RBMS3: variants seen among roughly 807,000 people sequenced by gnomAD.
RBMS3 encodes the protein RNA binding motif single stranded interacting protein 3.
In RBMS3, 27 loss-of-function variants were observed where a neutral mutation model predicts 66.8. The ratio of observed to expected loss-of-function variants is 0.40; its 90% CI spans 0.30 to 0.56. RBMS3 has a LOEUF of 0.56. Ranked by LOEUF, RBMS3 falls within the 20% of genes least tolerant of loss-of-function variation. The pLI is 0.40. For synonymous variants in RBMS3, 188 were observed against 183.0 expected, an observed-to-expected ratio of 1.03 and a Z score of -0.22; for missense variants, 513 against 549.5, an observed-to-expected ratio of 0.93 and a Z score of 0.66.
At chr3:29,955,444 G>A (rs1695970908) in intron 12 of RBMS3, among the ~76,000 whole-genome samples, 2 of 152,106 alleles carry the variant, frequency 1.3e-5, no homozygotes, top group South Asian at 4.1e-4. Context: ...CCTTGACTAA[G>A]AGAAATGATA....
chr3:29,737,029 T>C (rs1411116132), intron 4 of RBMS3, among the ~76,000 whole-genome samples: 1 of 151,820 alleles, frequency 6.6e-6, no homozygotes, highest in African/African-American at 2.4e-5. Context: ...CAGGCTGGAG[T>C]GCAGTGGCAT....
chr3:29,962,727 G>T (rs1447371472), intron 12 of RBMS3, among the ~76,000 whole-genome samples: 1 of 151,886 alleles, frequency 6.6e-6, no homozygotes, highest in Non-Finnish European at 1.5e-5. Flanking sequence ...ATAACTGAAA[G>T]CATCTAATCC....
At chr3:29,359,605 A>G (rs2037438124) in intron 1 of RBMS3, among the ~76,000 whole-genome samples, 1 of 152,304 alleles carries the variant, frequency 6.6e-6, no homozygotes, top group Non-Finnish European at 1.5e-5. Context: ...TGATTGGAAT[A>G]GTTTCAGAAG....
intron 4 of RBMS3, among the ~76,000 whole-genome samples, chr3:29,662,850 T>G (rs1297179659): frequency 6.6e-6 from 1 of 152,188 alleles, no homozygotes; most frequent in Non-Finnish European, 1.5e-5. Context: ...AATATTTTAT[T>G]AATATGAAAA....
chr3:29,626,891 C>T (rs960318681), intron 4 of RBMS3, among the ~76,000 whole-genome samples: 3 of 151,964 alleles, frequency 2.0e-5, no homozygotes, highest in Admixed American at 1.3e-4. Context: ...CAAATGAGAA[C>T]AGTAATAAAA....
intron 1 of RBMS3, among the ~76,000 whole-genome samples, chr3:29,364,032 G>A (rs1361839296): frequency 1.3e-5 from 2 of 151,904 alleles, no homozygotes; most frequent in East Asian, 3.9e-4. Flanking sequence ...ATGTTTCTTA[G>A]GGCCAATATT....
At chr3:29,761,646 TA>T (rs1351077588) in intron 5 of RBMS3, among the ~76,000 whole-genome samples, 1 of 152,182 alleles carries the variant, frequency 6.6e-6, no homozygotes, top group Non-Finnish European at 1.5e-5. Context: ...TTTGTTAGCA[TA>T]TTTTTTTTGT....
chr3:29,721,399 C>G (rs1414568510), intron 4 of RBMS3, among the ~76,000 whole-genome samples: 1 of 151,658 alleles, frequency 6.6e-6, no homozygotes, highest in Admixed American at 6.6e-5. Context: ...TTTTTTCTTT[C>G]CTCGTAAGTG....
intron 4 of RBMS3, among the ~76,000 whole-genome samples, chr3:29,662,155 A>T: frequency 6.6e-6 from 1 of 152,348 alleles, no homozygotes; most frequent in South Asian, 2.1e-4. Context: ...TACAACACAT[A>T]GAGAAAAAAG....
intron 3 of RBMS3, among the ~76,000 whole-genome samples, chr3:29,564,201 G>A (rs1165421631): frequency 6.6e-6 from 1 of 151,914 alleles, no homozygotes; most frequent in Non-Finnish European, 1.5e-5. Flanking sequence ...TTTAGGCCAG[G>A]AGCAGGGGCT....
chr3:29,944,628 A>G (rs1695172335), intron 12 of RBMS3, among the ~76,000 whole-genome samples: 1 of 151,664 alleles, frequency 6.6e-6, no homozygotes, highest in Admixed American at 6.6e-5. Context: ...ACAGATTAAT[A>G]AAAAATAGTT....
intron 6 of RBMS3, among the ~76,000 whole-genome samples, chr3:29,839,670 T>G (rs2058615462): frequency 6.6e-6 from 1 of 151,832 alleles, no homozygotes; most frequent in South Asian, 2.1e-4. Flanking sequence ...AACTCATTTT[T>G]ACTTTATAAA....
At chr3:29,798,929 GT>G (rs368923260) in intron 6 of RBMS3, among the ~76,000 whole-genome samples, 11,820 of 127,508 alleles carry the variant, frequency 0.093, 326 homozygotes, top group East Asian at 0.15. Context: ...GTACCCTCTG[GT>G]TTTTTTTTTT....
intron 6 of RBMS3, among the ~76,000 whole-genome samples, 185 bp from the exon 7 acceptor site, chr3:29,868,673 T>A (rs1324743119): frequency 1.3e-5 from 2 of 152,182 alleles, no homozygotes. Flanking sequence ...TGCCAGTACT[T>A]TTTTGAAGCC....
At position 29,753,835 on chromosome 3, in the gene RBMS3, T is replaced by G. The variant is rs187212932; in HGVS notation, c.558-9075T>G. Among the ~76,000 whole-genome samples, 240 of 152,326 alleles carry G rather than the reference T, an allele frequency of 1.6e-3. 1 individual carries two copies. Among genetic ancestry groups the G allele is most frequent in the Non-Finnish European group, 1.8e-3 (123 of 68,038 alleles). On this transcript the variant is annotated intron_variant, in intron 5 of 14. Coordinates refer to ENST00000383767, the MANE Select transcript of RBMS3 (RefSeq NM_001003793.3). ...TAGATTTGTCAATTGAACTGAGCTG[T>G]GAAATCTGACCAATTTTAAAGATTA...
chr3:29,383,936 T>C (rs1456521075), intron 1 of RBMS3, among the ~76,000 whole-genome samples: 2 of 152,210 alleles, frequency 1.3e-5, no homozygotes, highest in Admixed American at 6.5e-5. Flanking sequence ...GAGCAACCAG[T>C]ATATGTTAAC....
chr3:29,614,647 T>A (rs950612308), intron 4 of RBMS3: 15 of 152,266 alleles, frequency 9.9e-5, no homozygotes, highest in African/African-American at 3.6e-4. Context: ...TTGAAAACTG[T>A]AGAAAAATTA....
intron 3 of RBMS3, among the ~76,000 whole-genome samples, chr3:29,507,877 T>A (rs1424842531): frequency 6.6e-6 from 1 of 152,144 alleles, no homozygotes; most frequent in African/African-American, 2.4e-5. Flanking sequence ...TCAATGTTCA[T>A]TATATGTTTA....
chr3:29,582,175 T>TAGAG (rs1385044183), intron 3 of RBMS3, among the ~76,000 whole-genome samples: 32 of 149,980 alleles, frequency 2.1e-4, no homozygotes, highest in Admixed American at 1.5e-3. Context: ...GATAGATAGA[T>TAGAG]AGATAGATAG....
Sources: allele counts gnomAD v4.1 joint callset (sites outside exome capture counted in the v4.1 genomes callset), GRCh38; gene constraint gnomAD v4.1.1; transcripts MANE v1.5; gene names NCBI Gene and HGNC (gene_info 2026-07-23, HGNC 2026-07-21).